Variants in CTIF observed in about 807,000 individuals in gnomAD.
CTIF encodes the protein cap binding complex dependent translation initiation factor.
In CTIF, 21 loss-of-function variants were observed where a neutral mutation model predicts 66.0. The observed-to-expected ratio is 0.32, with a 90% CI of 0.23 to 0.46. The LOEUF is 0.46. Ranked by LOEUF, CTIF falls within the 20% of genes least tolerant of loss-of-function variation. The pLI is 1.00. For missense variants in CTIF, 739 were observed against 812.7 expected, an observed-to-expected ratio of 0.91 and a Z score of 1.10; for synonymous variants, 345 against 326.4, an observed-to-expected ratio of 1.06 and a Z score of -0.62.
chr18:48,567,730 A>C (rs1465641937), intron 1 of CTIF: 1 of 152,250 alleles, frequency 6.6e-6, no homozygotes, highest in African/African-American at 2.4e-5. Context: ...CTCATGGGAC[A>C]GAGTGACTGC....
intron 4 of CTIF, 101 bp from the exon 5 acceptor site, chr18:48,664,346 C>T: frequency 9.4e-7 from 1 of 1,064,720 alleles, no homozygotes; most frequent in African/African-American, 1.6e-5. Flanking sequence ...CGGCTCCTTT[C>T]TGCGGATCTG....
At chr18:48,684,854 C>T (rs2091809173) in intron 6 of CTIF, among the ~76,000 whole-genome samples, 1 of 152,198 alleles carries the variant, frequency 6.6e-6, no homozygotes, top group Non-Finnish European at 1.5e-5. Context: ...GATACTTCAG[C>T]ATGTTTTCCT....
intron 10 of CTIF, among the ~76,000 whole-genome samples, chr18:48,835,781 G>A (rs957726483): frequency 6.6e-6 from 1 of 152,140 alleles, no homozygotes; most frequent in Admixed American, 6.5e-5. Context: ...CAGGTGTGGA[G>A]AGGGGACTGT....
At chr18:48,552,455 G>T (rs900728774) in intron 1 of CTIF, among the ~76,000 whole-genome samples, 5 of 152,170 alleles carry the variant, frequency 3.3e-5, no homozygotes, top group Non-Finnish European at 7.3e-5. Flanking sequence ...TTATTTCTTG[G>T]GCTAGGAAGT....
Position 48,630,425 on chromosome 18 carries a change from C to T in CTIF, c.181-6189C>T, listed in dbSNP as rs78923616. Among the ~76,000 whole-genome samples the T allele has an allele frequency of 5.1e-3, 783 of 152,236 alleles. 5 individuals are homozygous for T. The highest frequency in any genetic ancestry group is 0.034 in the Middle Eastern group (10 of 294). ...AAATTTGCATCTCAGATTTCAATCA[C>T]CTTGGAATGTGTTTTCCAAGAATAG... On this transcript the variant is annotated intron_variant, in intron 2 of 11. Coordinates refer to ENST00000256413, the MANE Select transcript of CTIF (RefSeq NM_014772.3).
chr18:48,581,284 T>A (rs1359119918), intron 1 of CTIF, among the ~76,000 whole-genome samples: 2 of 152,204 alleles, frequency 1.3e-5, no homozygotes, highest in Non-Finnish European at 2.9e-5. Flanking sequence ...CAGCATGAAT[T>A]GTGTAACTTA....
intron 7 of CTIF, among the ~76,000 whole-genome samples, chr18:48,754,629 C>G (rs1403900561): frequency 6.6e-6 from 1 of 152,236 alleles, no homozygotes; most frequent in Non-Finnish European, 1.5e-5. Context: ...ACCTGTTAGT[C>G]TTTCCTACCC....
chr18:48,681,646 C>T (rs946910703), intron 6 of CTIF, among the ~76,000 whole-genome samples: 2 of 152,180 alleles, frequency 1.3e-5, no homozygotes, highest in Admixed American at 6.5e-5. Flanking sequence ...GGCTTCTTTC[C>T]TGTGACTCCG....
intron 3 of CTIF, among the ~76,000 whole-genome samples, chr18:48,649,562 C>T (rs2091117191): frequency 1.3e-5 from 2 of 152,246 alleles, no homozygotes; most frequent in Admixed American, 1.3e-4. Flanking sequence ...CTTCTGCAGA[C>T]TTAAACATCC....
At chr18:48,574,788 A>G (rs968698824) in intron 1 of CTIF, among the ~76,000 whole-genome samples, 4 of 152,172 alleles carry the variant, frequency 2.6e-5, no homozygotes, top group Non-Finnish European at 4.4e-5. Flanking sequence ...GGGACACTCG[A>G]TCAATGTTAG....
At chr18:48,815,720 A>C (rs1456810673) in intron 9 of CTIF, among the ~76,000 whole-genome samples, 1 of 152,192 alleles carries the variant, frequency 6.6e-6, no homozygotes, top group African/African-American at 2.4e-5. Flanking sequence ...ATGTTAACCA[A>C]GTCATCTCTG....
chr18:48,545,555 G>A (rs1055770430), intron 1 of CTIF, among the ~76,000 whole-genome samples: 4 of 151,886 alleles, frequency 2.6e-5, no homozygotes, highest in African/African-American at 9.7e-5. Flanking sequence ...CAGGTTTGTG[G>A]CCTCACTGAC....
At chr18:48,832,117 G>T (rs964009003) in intron 10 of CTIF, among the ~76,000 whole-genome samples, 2 of 151,720 alleles carry the variant, frequency 1.3e-5, no homozygotes, top group African/African-American at 4.9e-5. Flanking sequence ...GCCAGTGTGC[G>T]TGTGGGGGCT....
chr18:48,805,253 G>T (rs2068120786), intron 9 of CTIF, among the ~76,000 whole-genome samples: 1 of 152,216 alleles, frequency 6.6e-6, no homozygotes, highest in Non-Finnish European at 1.5e-5. Context: ...TGAGCTGGAG[G>T]CTCCTGTCCT....
intron 6 of CTIF, among the ~76,000 whole-genome samples, chr18:48,695,234 T>A (rs536702703): frequency 1.3e-5 from 2 of 152,360 alleles, no homozygotes; most frequent in Non-Finnish European, 2.9e-5. Flanking sequence ...CCCACCACAA[T>A]TGGGGCTAAC....
intron 1 of CTIF, among the ~76,000 whole-genome samples, chr18:48,555,796 GCC>G (rs2089005894): frequency 6.6e-6 from 1 of 152,182 alleles, no homozygotes. Flanking sequence ...TGTGGTGTCT[GCC>G]CCCAGGGAAG....
intron 7 of CTIF, among the ~76,000 whole-genome samples, chr18:48,739,710 C>G (rs1029463880): frequency 1.3e-5 from 2 of 152,220 alleles, no homozygotes; most frequent in Non-Finnish European, 2.9e-5. Flanking sequence ...CCAGGGGCCA[C>G]TGGAAGCTGA....
intron 1 of CTIF, among the ~76,000 whole-genome samples, chr18:48,573,727 G>C (rs963676786): frequency 6.6e-6 from 1 of 152,150 alleles, no homozygotes; most frequent in African/African-American, 2.4e-5. Flanking sequence ...GCTTGAGAGG[G>C]GTGTGGTTAG....
At chr18:48,642,042 A>T (rs926442451) in intron 3 of CTIF, among the ~76,000 whole-genome samples, 1 of 152,250 alleles carries the variant, frequency 6.6e-6, no homozygotes, top group African/African-American at 2.4e-5. Flanking sequence ...AGTGCAAATG[A>T]TATCTTAGTA....
Sources: gnomAD v4.1 joint callset for allele counts (sites outside exome capture counted in the v4.1 genomes callset) on GRCh38, gnomAD v4.1.1 for gene constraint, MANE v1.5 for transcripts, NCBI Gene and HGNC (gene_info 2026-07-23, HGNC 2026-07-21) for gene names.